The following CDK13 variants were observed in gnomAD, a reference collection of about 807,000 sequenced individuals.
CDK13 encodes cyclin-dependent kinase 13.
Under a neutral mutation model 137.6 loss-of-function variants are expected in CDK13, and 40 were observed. The observed-to-expected ratio is 0.29, with a 90% CI of 0.23 to 0.38. The LOEUF (loss-of-function observed/expected upper bound fraction) is 0.38. Ranked by LOEUF, CDK13 falls within the 10% of genes least tolerant of loss-of-function variation. CDK13 has a pLI of 1.00. For synonymous variants in CDK13, 869 were observed against 760.1 expected, an observed-to-expected ratio of 1.14 and a Z score of -2.36; for missense variants, 1,704 against 1,951.8, an observed-to-expected ratio of 0.87 and a Z score of 2.39.
In CDK13 at chr7:40,033,053, A is replaced by T. The variant is rs1015674383; in HGVS notation, c.2354-12783A>T. Among the ~76,000 whole-genome samples, 7 of 152,188 alleles carry T rather than the reference A, an allele frequency of 4.6e-5. No homozygotes were observed. The South Asian group carries it at 1.5e-3, about 32-fold the overall frequency. ...TCTCTTCATTCTTTTGATTTCTTTC[A>T]TTAGAGTTTTATTGTTTTCCTCATA... On this transcript the variant is annotated intron_variant, in intron 5 of 13. Coordinates refer to ENST00000181839, the MANE Select transcript of CDK13 (RefSeq NM_003718.5).
intron 1 of CDK13, among the ~76,000 whole-genome samples, chr7:39,966,060 T>C (rs1783864289): frequency 6.6e-6 from 1 of 152,202 alleles, no homozygotes; most frequent in African/African-American, 2.4e-5. Flanking sequence ...ATTTTTTCCT[T>C]CATTTCAACT....
At chr7:39,995,755 C>T (rs1246499177) in intron 2 of CDK13, among the ~76,000 whole-genome samples, 1 of 152,166 alleles carries the variant, frequency 6.6e-6, no homozygotes, top group Middle Eastern at 3.2e-3. Flanking sequence ...CGCCTGTAAT[C>T]CCAGCTCTCT....
At chr7:40,091,069 G>T (rs1418501479) in intron 12 of CDK13, among the ~76,000 whole-genome samples, 1 of 152,204 alleles carries the variant, frequency 6.6e-6, no homozygotes, top group Non-Finnish European at 1.5e-5. Flanking sequence ...CAACTGGCCG[G>T]GCATGGTGGC....
At chr7:40,052,948 G>A (rs754587883) in intron 7 of CDK13, among the ~76,000 whole-genome samples, 22 of 151,892 alleles carry the variant, frequency 1.4e-4, no homozygotes, top group Non-Finnish European at 2.6e-4. Flanking sequence ...AGACAAGATT[G>A]GAACCATGGT....
intron 1 of CDK13, among the ~76,000 whole-genome samples, chr7:39,957,581 A>G (rs1787456794): frequency 6.6e-6 from 1 of 152,142 alleles, no homozygotes; most frequent in African/African-American, 2.4e-5. Flanking sequence ...AGGGCAGGTA[A>G]TTGTTTCGAT....
intron 1 of CDK13, among the ~76,000 whole-genome samples, chr7:39,963,583 G>C (rs546372809): frequency 6.6e-6 from 1 of 152,198 alleles, no homozygotes; most frequent in African/African-American, 2.4e-5. Context: ...GGGACAATTT[G>C]ACTTTCTCTT....
chr7:39,986,699 A>T (rs964402145), intron 1 of CDK13: 2 of 152,214 alleles, frequency 1.3e-5, no homozygotes, highest in African/African-American at 4.8e-5. Flanking sequence ...TCAGAGCCTC[A>T]GATTAAGAGT....
intron 2 of CDK13, among the ~76,000 whole-genome samples, chr7:39,991,776 TCA>T (rs1784459560): frequency 6.6e-6 from 1 of 152,030 alleles, no homozygotes; most frequent in Admixed American, 6.5e-5. Flanking sequence ...GTGTGGTGGC[TCA>T]CAGTTGTAAT....
chr7:40,035,371 T>C (rs1211341697), intron 5 of CDK13, among the ~76,000 whole-genome samples: 1 of 152,034 alleles, frequency 6.6e-6, no homozygotes, highest in African/African-American at 2.4e-5. Flanking sequence ...GGTTAGGAAC[T>C]GGGCCGCACA....
chr7:40,056,486 G>C (rs1048426065), intron 7 of CDK13, among the ~76,000 whole-genome samples: 2 of 152,200 alleles, frequency 1.3e-5, no homozygotes, highest in African/African-American at 4.8e-5. Context: ...TGAAGGTTTA[G>C]TGTGATTGGA....
chr7:40,069,601 AATGATGAGACCT>A (rs1786365475), intron 9 of CDK13: 1 of 255,948 alleles, frequency 3.9e-6, no homozygotes, highest in African/African-American at 2.2e-5. Flanking sequence ...TAGGCTCAGG[AATGATGAGACCT>A]AGTGTCAGTA....
rs2150550292 is a variant in CDK13, at chr7:40,096,778, T to C, written c.*1798T>C. 6.6e-6 allele frequency: 1 copy of C among 152,276 alleles called. No individual in the cohort carries two copies. Among genetic ancestry groups the C allele is most frequent in the African/African-American group, 2.4e-5 (1 of 41,584 alleles). The allele number at this position is 152,276 out of a possible 1,614,324, so 9.4% of individuals were successfully genotyped here. The stretch of plus-strand genomic sequence containing the variant: ...TTTACTACTATAAAATAAGTTGATA[T>C]CAGTTGACCATTTTATTTTTTGATG... On this transcript the variant is annotated 3_prime_UTR_variant, in exon 14 of 14. Coordinates refer to ENST00000181839, the MANE Select transcript of CDK13 (RefSeq NM_003718.5).
chr7:39,997,612 A>T lies in CDK13; in HGVS notation c.1990A>T (p.Ser664Cys), dbSNP rs1351624744. The change falls in exon 3 of 14, where the codon AGT (serine) becomes TGT (cysteine). Residue 664 changes from serine (S) to cysteine (C), a missense_variant. Transcript: ENST00000181839. ...ACCAGGAGGAGATGATCTTTCAAAG[A>T]GTCCAGAGGAAAAGAAAACAGCAAC... Reference protein sequence around the residue: ...ELPGGDDLSKSPEEKKTATQL... With the variant: ...ELPGGDDLSKCPEEKKTATQL... 5 of 1,613,390 alleles carry T rather than the reference A, an allele frequency of 3.1e-6. No individual in the cohort carries two copies. Among genetic ancestry groups the T allele is most frequent in the Non-Finnish European group, 4.2e-6 (5 of 1,179,792 alleles).
chr7:40,078,245 A>C, intron 10 of CDK13, 124 bp downstream of exon 10: 3 of 476,188 alleles, frequency 6.3e-6, no homozygotes, highest in Non-Finnish European at 7.4e-6. Flanking sequence ...AGGGCATTTA[A>C]TTTTGAGTTC....
rs866907515 is a variant in CDK13 at position 40,064,307 on chromosome 7, G to C, written c.2780+1207G>C. Among the ~76,000 whole-genome samples the C allele has an allele frequency of 6.7e-5, 10 of 148,930 alleles. No individual in the cohort carries two copies. In the South Asian group the frequency reaches 1.9e-3, roughly 28 times the overall value. On this transcript the variant is annotated intron_variant, in intron 9 of 13. Coordinates refer to ENST00000181839, the MANE Select transcript of CDK13 (RefSeq NM_003718.5). ...CTCAAAAAAAAAAAAAAAAAAAGGT[G>C]GGGGGGCTTCAGTTTCATATGTAAT...
chr7:40,020,396 A>C (rs1396571182), intron 5 of CDK13, among the ~76,000 whole-genome samples: 1 of 152,104 alleles, frequency 6.6e-6, no homozygotes, highest in Non-Finnish European at 1.5e-5. Context: ...CATGTTACTA[A>C]TGCAGCAGCC....
intron 1 of CDK13, among the ~76,000 whole-genome samples, chr7:39,975,002 T>A (rs750501124): frequency 6.6e-6 from 1 of 152,210 alleles, no homozygotes; most frequent in Non-Finnish European, 1.5e-5. Context: ...AGCTGCAGAT[T>A]CGTCATAAAT....
chr7:39,962,339 G>A (rs1472899415), intron 1 of CDK13, among the ~76,000 whole-genome samples: 1 of 152,208 alleles, frequency 6.6e-6, no homozygotes, highest in African/African-American at 2.4e-5. Flanking sequence ...TAACTGGTGT[G>A]AGATGGTATC....
intron 5 of CDK13, among the ~76,000 whole-genome samples, chr7:40,031,152 G>A (rs1480675877): frequency 3.3e-5 from 5 of 152,204 alleles, no homozygotes; most frequent in Non-Finnish European, 5.9e-5. Context: ...GGTGTTGTCA[G>A]TGTTTTGGAT....
Sources: gnomAD v4.1 joint callset for allele counts (sites outside exome capture counted in the v4.1 genomes callset) on GRCh38, gnomAD v4.1.1 for gene constraint, MANE v1.5 for transcripts, NCBI Gene and HGNC (gene_info 2026-07-23, HGNC 2026-07-21) for gene names.